Variants in NHS observed in about 807,000 individuals in gnomAD.
NHS encodes NHS actin remodeling regulator, also known as actin remodeling regulator NHS.
A neutral mutation model predicts 72.5 loss-of-function variants in NHS; 5 were observed. The ratio of observed to expected loss-of-function variants is 0.07; its 90% CI spans 0.04 to 0.14. The LOEUF (loss-of-function observed/expected upper bound fraction) is 0.14. Among genes scored for constraint, NHS ranks in the 10% least tolerant of loss-of-function variants. The pLI is 1.00. For synonymous variants in NHS, 464 were observed against 547.7 expected, an observed-to-expected ratio of 0.85 and a Z score of 2.13; for missense variants, 1,072 against 1,355.7, an observed-to-expected ratio of 0.79 and a Z score of 3.29.
intron 1 of NHS, among the ~76,000 whole-genome samples, chrX:17,607,575 C>T (rs1448547285): frequency 9.0e-6 from 1 of 111,064 alleles, no homozygotes; most frequent in Non-Finnish European, 1.9e-5. Flanking sequence ...ACTCCTTTCC[C>T]CCTGCCTAAC....
At chrX:17,583,559 C>T (rs867766044) in intron 1 of NHS, among the ~76,000 whole-genome samples, 11 of 112,347 alleles carry the variant, frequency 9.8e-5, no homozygotes, top group South Asian at 3.7e-4. Flanking sequence ...AAATTATTTC[C>T]GCCAAAGGAA....
At chrX:17,693,812 T>C (rs752963015) in intron 3 of NHS, among the ~76,000 whole-genome samples, 1 of 112,889 alleles carries the variant, frequency 8.9e-6, no homozygotes, top group Non-Finnish European at 1.9e-5. Flanking sequence ...GGCTTTCTAG[T>C]TCTTCAGATA....
chrX:17,484,324 T>A (rs2064958917), intron 1 of NHS, among the ~76,000 whole-genome samples: 1 of 112,289 alleles, frequency 8.9e-6, no homozygotes, highest in East Asian at 2.8e-4. Context: ...ACTTGCTTGC[T>A]GTCTTCCTCC....
intron 2 of NHS, among the ~76,000 whole-genome samples, chrX:17,689,846 T>G (rs1392703580): frequency 5.3e-5 from 6 of 112,268 alleles, no homozygotes; most frequent in Non-Finnish European, 1.1e-4. Flanking sequence ...TTTATCCCTT[T>G]ATTTTATTAA....
intron 1 of NHS, among the ~76,000 whole-genome samples, chrX:17,646,107 T>C (rs1223168989): frequency 9.0e-6 from 1 of 111,430 alleles, no homozygotes; most frequent in Admixed American, 9.5e-5. Flanking sequence ...CATGCCCAGC[T>C]AATTTTTTAT....
At chrX:17,424,114 A>T (rs1177516836) in intron 1 of NHS, among the ~76,000 whole-genome samples, 1 of 112,389 alleles carries the variant, frequency 8.9e-6, no homozygotes, top group Non-Finnish European at 1.9e-5. Flanking sequence ...GTCAGGAGAG[A>T]TCAAACCAGG....
At chrX:17,672,664 G>A (rs749712734) in intron 1 of NHS, among the ~76,000 whole-genome samples, 2 of 112,203 alleles carry the variant, frequency 1.8e-5, no homozygotes, top group South Asian at 3.7e-4. Context: ...TCAGTAGGTC[G>A]CCATTGTCAT....
At chrX:17,494,131 T>C (rs1348095065) in intron 1 of NHS, among the ~76,000 whole-genome samples, 2 of 101,032 alleles carry the variant, frequency 2.0e-5, no homozygotes, top group African/African-American at 3.7e-5. Flanking sequence ...CAGGCTGTAG[T>C]GCAGTGGTGC....
intron 1 of NHS, among the ~76,000 whole-genome samples, chrX:17,683,980 G>A (rs2066144326): frequency 8.9e-6 from 1 of 111,917 alleles, no homozygotes; most frequent in Non-Finnish European, 1.9e-5. Context: ...GACCTAGTGG[G>A]AGGCAATTGA....
intron 1 of NHS, chrX:17,557,222 A>G: frequency 9.6e-6 from 1 of 104,464 alleles, no homozygotes; most frequent in Non-Finnish European, 1.9e-5. Flanking sequence ...TGTGTGAGAG[A>G]GTTCAAATAC....
At chrX:17,427,422 T>TA (rs1451579781) in intron 1 of NHS, among the ~76,000 whole-genome samples, 3 of 112,469 alleles carry the variant, frequency 2.7e-5, no homozygotes, top group African/African-American at 9.7e-5. Flanking sequence ...CACCAACTCA[T>TA]GCCGCTGTTG....
At chrX:17,579,390 A>G (rs950898248) in intron 1 of NHS, among the ~76,000 whole-genome samples, 9 of 111,053 alleles carry the variant, frequency 8.1e-5, no homozygotes, top group South Asian at 7.7e-4. Context: ...TCCTGATGCT[A>G]TTTTGATTTG....
At position 17,561,564 on chromosome X, in the gene NHS, GCGCGCGCGCGCACACACACA is replaced by G. The variant is rs1189667524; in HGVS notation, c.566-126176_566-126157del. Among the ~76,000 whole-genome samples, 10 of 66,789 alleles carry G rather than the reference GCGCGCGCGCGCACACACACA, an allele frequency of 1.5e-4. 1 individual carries two copies. The highest frequency in any genetic ancestry group is 7.1e-4 in the African/African-American group (9 of 12,605). 58.0% of individuals were successfully genotyped at this position (66,789 alleles called of 115,157 possible). On this transcript the variant is annotated intron_variant, in intron 1 of 8. Transcript: ENST00000676302. ...TTCACACATGCAAGTGCATGCGCGC[GCGCGCGCGCGCACACACACA>G]CACACACACACACACACACACACAC...
At chrX:17,519,583 A>G (rs2065137534) in intron 1 of NHS, among the ~76,000 whole-genome samples, 1 of 111,602 alleles carries the variant, frequency 9.0e-6, no homozygotes, top group African/African-American at 3.3e-5. Context: ...GCACACGCAC[A>G]CCATCCGCCC....
At chrX:17,438,123 A>G (rs2064733102) in intron 1 of NHS, among the ~76,000 whole-genome samples, 1 of 112,352 alleles carries the variant, frequency 8.9e-6, no homozygotes, top group Admixed American at 9.4e-5. Context: ...TTTAGTGCAT[A>G]TGTGGATCAT....
At chrX:17,664,377 A>T (rs762470713) in intron 1 of NHS, among the ~76,000 whole-genome samples, 10 of 111,794 alleles carry the variant, frequency 8.9e-5, no homozygotes, top group Non-Finnish European at 1.7e-4. Flanking sequence ...GTATGGAGTA[A>T]GGTAGGGTCA....
intron 3 of NHS, among the ~76,000 whole-genome samples, chrX:17,702,493 C>T (rs1047106649): frequency 9.0e-6 from 1 of 111,046 alleles, no homozygotes; most frequent in Non-Finnish European, 1.9e-5. Flanking sequence ...TCGAGACCAG[C>T]CTGGCCAACA....
At chrX:17,428,615 C>G (rs772601956) in intron 1 of NHS, among the ~76,000 whole-genome samples, 18 of 111,603 alleles carry the variant, frequency 1.6e-4, no homozygotes, top group African/African-American at 5.9e-4. Flanking sequence ...ACAGAGATGG[C>G]AGGTCAGCTT....
In NHS at chrX:17,520,410, T is replaced by C; in HGVS notation, c.565+144088T>C. 2.7e-5 allele frequency among the ~76,000 whole-genome samples: 3 copies of C among 112,229 alleles called. 1 individual carries two copies. The South Asian group carries it at 1.1e-3, about 42-fold the overall frequency. On this transcript the variant is annotated intron_variant, in intron 1 of 8. Transcript: ENST00000676302. ...CCAAGAAAGCAAGCTCTGTAGGGAT[T>C]TGGGACTGGCTCGGAGGATAGCATG...
Sources: allele counts gnomAD v4.1 joint callset (sites outside exome capture counted in the v4.1 genomes callset), GRCh38; gene constraint gnomAD v4.1.1; transcripts MANE v1.5; gene names NCBI Gene and HGNC (gene_info 2026-07-23, HGNC 2026-07-21).